Variants in NOX4 observed in about 807,000 individuals in gnomAD.
NOX4 encodes NADPH oxidase 4, also known as kidney oxidase-1.
Under a neutral mutation model 87.6 loss-of-function variants are expected in NOX4, and 69 were observed. The ratio of observed to expected loss-of-function variants is 0.79; its 90% CI spans 0.65 to 0.96. NOX4 has a LOEUF of 0.96. NOX4 is among the 40% of genes least tolerant of loss of function. The pLI is 0.00. For synonymous variants in NOX4, 275 were observed against 238.2 expected, an observed-to-expected ratio of 1.15 and a Z score of -1.42; for missense variants, 680 against 681.5, an observed-to-expected ratio of 1.00 and a Z score of 0.02.
intron 2 of NOX4, among the ~76,000 whole-genome samples, chr11:89,479,297 C>T (rs1946296179): frequency 6.6e-6 from 1 of 152,104 alleles, no homozygotes; most frequent in Non-Finnish European, 1.5e-5. Context: ...ATAAAAGAAA[C>T]TTGTTTGGAT....
intron 2 of NOX4, among the ~76,000 whole-genome samples, chr11:89,480,356 G>T (rs1033138084): frequency 2.0e-5 from 3 of 152,142 alleles, no homozygotes; most frequent in Non-Finnish European, 4.4e-5. Context: ...TTTGTGAAAT[G>T]ATAGGAGACA....
intron 8 of NOX4, among the ~76,000 whole-genome samples, chr11:89,413,365 A>G (rs1351630367): frequency 6.6e-6 from 1 of 152,188 alleles, no homozygotes; most frequent in African/African-American, 2.4e-5. Flanking sequence ...TATATTGAAG[A>G]GATACCTGCA....
At chr11:89,417,488 A>G (rs1478267094) in intron 8 of NOX4, among the ~76,000 whole-genome samples, 3 of 152,142 alleles carry the variant, frequency 2.0e-5, no homozygotes, top group Admixed American at 1.3e-4. Context: ...CTCAGGAGGA[A>G]GGCTTGTTTT....
intron 13 of NOX4, among the ~76,000 whole-genome samples, chr11:89,350,428 G>A (rs1946407539): frequency 6.6e-6 from 1 of 151,980 alleles, no homozygotes; most frequent in South Asian, 2.1e-4. Context: ...AAAGATTATA[G>A]GGACACTATG....
chr11:89,473,559 C>T (rs1317605244), intron 2 of NOX4, among the ~76,000 whole-genome samples: 2 of 151,966 alleles, frequency 1.3e-5, no homozygotes, highest in East Asian at 1.9e-4. Flanking sequence ...TATTAAAACT[C>T]ATATAGTGAA....
chr11:89,458,048 A>C (rs1945285946), intron 2 of NOX4, among the ~76,000 whole-genome samples: 2 of 138,972 alleles, frequency 1.4e-5, no homozygotes, highest in African/African-American at 6.7e-5. Context: ...ACAGAATTAG[A>C]AAAAAAACTA....
At chr11:89,556,293 C>A in the NOX4 span, among the ~76,000 whole-genome samples, 1 of 152,012 alleles carries the variant, frequency 6.6e-6, no homozygotes, top group African/African-American at 2.4e-5. Context: ...TAGCACAAGG[C>A]GAGTGGATTA....
the NOX4 span, among the ~76,000 whole-genome samples, chr11:89,513,528 G>A: frequency 6.6e-6 from 1 of 151,832 alleles, no homozygotes; most frequent in Non-Finnish European, 1.5e-5. Context: ...TCAAACATAA[G>A]CAAAATAATC....
At chr11:89,507,259 T>C in the NOX4 span, among the ~76,000 whole-genome samples, 1 of 151,794 alleles carries the variant, frequency 6.6e-6, no homozygotes, top group Non-Finnish European at 1.5e-5. Flanking sequence ...CATGGGTGTA[T>C]CCATATGTCA....
intron 2 of NOX4, among the ~76,000 whole-genome samples, chr11:89,472,237 T>C (rs1945976216): frequency 6.6e-6 from 1 of 152,182 alleles, no homozygotes; most frequent in African/African-American, 2.4e-5. Context: ...TGTACCTTAA[T>C]GCCATAATAA....
intron 7 of NOX4, among the ~76,000 whole-genome samples, chr11:89,427,408 G>C (rs1297560906): frequency 6.6e-6 from 1 of 152,124 alleles, no homozygotes; most frequent in Admixed American, 6.6e-5. Context: ...GAAGGCTTCA[G>C]ATGATCAAAC....
At chr11:89,571,713 A>G in the NOX4 span, among the ~76,000 whole-genome samples, 1 of 151,186 alleles carries the variant, frequency 6.6e-6, no homozygotes, top group Non-Finnish European at 1.5e-5. Context: ...AATAAACCTC[A>G]GGACCCCCAA....
chr11:89,511,936 A>T, the NOX4 span, among the ~76,000 whole-genome samples: 1 of 152,072 alleles, frequency 6.6e-6, no homozygotes, highest in Non-Finnish European at 1.5e-5. Context: ...CACACTTCTC[A>T]CTTTGACCAT....
the NOX4 span, among the ~76,000 whole-genome samples, chr11:89,585,220 A>T: frequency 6.6e-6 from 1 of 151,996 alleles, no homozygotes; most frequent in South Asian, 2.1e-4. Flanking sequence ...CAGTTTGACC[A>T]CCTTCTAGGA....
chr11:89,530,813 T>C, the NOX4 span, among the ~76,000 whole-genome samples: 1 of 152,054 alleles, frequency 6.6e-6, no homozygotes, highest in African/African-American at 2.4e-5. Context: ...TTAAAATTAA[T>C]GAGAAATAAA....
In NOX4 at chr11:89,452,917, AC is replaced by A. The variant is rs996415509; in HGVS notation, c.154-1023del. Among the ~76,000 whole-genome samples, 14 of 152,100 alleles carry A rather than the reference AC, an allele frequency of 9.2e-5. No individual in the cohort carries two copies. The East Asian group carries it at 1.6e-3, about 17-fold the overall frequency. The stretch of plus-strand genomic sequence containing the variant: ...CGTTTAGTCAGGCATGGTGTAATGC[AC>A]CCGCAGTTCCAGTTACTCTGAAGAC... On this transcript the variant is annotated intron_variant, in intron 2 of 17. Coordinates refer to ENST00000263317, the MANE Select transcript of NOX4 (RefSeq NM_016931.5).
chr11:89,402,846 C>T (rs886402982), intron 8 of NOX4, among the ~76,000 whole-genome samples: 1 of 152,102 alleles, frequency 6.6e-6, no homozygotes, highest in African/African-American at 2.4e-5. Context: ...GCCTTTACTT[C>T]AAGACTATTA....
chr11:89,478,649 A>G (rs1004470016), intron 2 of NOX4, among the ~76,000 whole-genome samples: 1 of 152,168 alleles, frequency 6.6e-6, no homozygotes, highest in African/African-American at 2.4e-5. Context: ...ACTGAACAAA[A>G]TGTATTTTCT....
intron 2 of NOX4, among the ~76,000 whole-genome samples, chr11:89,469,110 T>C (rs1195100389): frequency 6.6e-6 from 1 of 152,046 alleles, no homozygotes; most frequent in Middle Eastern, 3.4e-3. Context: ...TCCTATGAAA[T>C]AGCTGACTCT....
Sources: allele counts gnomAD v4.1 joint callset (sites outside exome capture counted in the v4.1 genomes callset), GRCh38; gene constraint gnomAD v4.1.1; transcripts MANE v1.5; gene names NCBI Gene and HGNC (gene_info 2026-07-23, HGNC 2026-07-21).